PLCL1: variants seen among roughly 807,000 people sequenced by gnomAD.
The protein encoded by PLCL1 is inactive phospholipase C-like protein 1.
A neutral mutation model predicts 84.4 loss-of-function variants in PLCL1; 41 were observed. The ratio of observed to expected loss-of-function variants is 0.49; its 90% CI spans 0.38 to 0.63. The LOEUF (loss-of-function observed/expected upper bound fraction) is 0.63, where lower values mean the gene tolerates loss of function less well. Among genes scored for constraint, PLCL1 ranks in the 30% least tolerant of loss-of-function variants. PLCL1 has a pLI of 0.00. For missense variants in PLCL1, 1,206 were observed against 1,367.8 expected (o/e 0.88, Z 1.87); for synonymous variants, 490 against 488.3 (o/e 1.00, Z -0.05).
intron 1 of PLCL1, among the ~76,000 whole-genome samples, chr2:197,888,947 A>G (rs1047456102): frequency 2.0e-5 from 3 of 152,202 alleles, no homozygotes; most frequent in African/African-American, 7.2e-5. Flanking sequence ...TGATAAGGCT[A>G]AATCTTATTT....
chr2:198,066,596 T>C (rs1692325693), intron 1 of PLCL1, among the ~76,000 whole-genome samples: 1 of 152,220 alleles, frequency 6.6e-6, no homozygotes, highest in Non-Finnish European at 1.5e-5. Context: ...ATATATTTTT[T>C]CTTTTGAAAA....
chr2:197,865,613 A>C (rs141429208), intron 1 of PLCL1, among the ~76,000 whole-genome samples: 52 of 152,290 alleles, frequency 3.4e-4, no homozygotes, highest in African/African-American at 1.2e-3. Flanking sequence ...TGACTTTAAA[A>C]AAGCACAAAT....
At chr2:198,017,507 A>G (rs1691026161) in intron 1 of PLCL1, among the ~76,000 whole-genome samples, 1 of 152,250 alleles carries the variant, frequency 6.6e-6, no homozygotes, top group Non-Finnish European at 1.5e-5. Flanking sequence ...GTAAAGAATG[A>G]AAGGACAAAA....
intron 1 of PLCL1, among the ~76,000 whole-genome samples, chr2:197,925,832 C>G (rs958512315): frequency 1.3e-5 from 2 of 148,700 alleles, no homozygotes; most frequent in Non-Finnish European, 3.0e-5. Flanking sequence ...TTCAATCTCT[C>G]TTTTAGCTGG....
chr2:198,065,623 T>C (rs1692306529), intron 1 of PLCL1, among the ~76,000 whole-genome samples: 1 of 152,198 alleles, frequency 6.6e-6, no homozygotes, highest in Non-Finnish European at 1.5e-5. Flanking sequence ...TTTGCTTTAT[T>C]GGCATTGAGA....
intron 1 of PLCL1, among the ~76,000 whole-genome samples, chr2:197,925,958 T>A (rs1361856661): frequency 6.6e-6 from 1 of 152,244 alleles, no homozygotes; most frequent in Non-Finnish European, 1.5e-5. Context: ...TGAAATTCAG[T>A]CTTGTTTTGA....
At chr2:198,104,236 T>G (rs980205266) in intron 5 of PLCL1, among the ~76,000 whole-genome samples, 1 of 151,964 alleles carries the variant, frequency 6.6e-6, no homozygotes, top group Non-Finnish European at 1.5e-5. Flanking sequence ...GTTCCTCTCT[T>G]TGTGTCCATG....
Position 197,805,381 on chromosome 2 carries a change from A to ATGGG in PLCL1, c.240+48_240+51dup. 1 of 1,329,020 alleles carries ATGGG rather than the reference A, an allele frequency of 7.5e-7. No homozygotes were observed. Among genetic ancestry groups the ATGGG allele is most frequent in the Non-Finnish European group, 9.6e-7 (1 of 1,045,090 alleles). 82.3% of individuals were successfully genotyped at this position (1,329,020 alleles called of 1,614,324 possible). On this transcript the variant is annotated intron_variant, in intron 1 of 5. Transcript: ENST00000428675. This position sits in a 1 kb window ranked among gnomAD's most constrained non-coding sequence, Gnocchi z 4.0. Reference sequence around the variant, plus strand: ...CGCACCGGGAGCGTGGCTGTGGGTGATGGGTGGGTCAGGGACCCGGGCAGG... The same window carrying ATGGG: ...CGCACCGGGAGCGTGGCTGTGGGTGATGGGTGGGTGGGTCAGGGACCCGGGCAGG...
intron 1 of PLCL1, among the ~76,000 whole-genome samples, chr2:198,019,440 A>C (rs1396458795): frequency 2.0e-5 from 3 of 152,246 alleles, no homozygotes; most frequent in African/African-American, 7.2e-5. Context: ...AAATCCTCCA[A>C]GCTAAACAAG....
chr2:197,948,903 C>A (rs1160884666), intron 1 of PLCL1, among the ~76,000 whole-genome samples: 1 of 152,136 alleles, frequency 6.6e-6, no homozygotes, highest in Non-Finnish European at 1.5e-5. Flanking sequence ...GGATCTAAGA[C>A]CCCTGTGGGT....
intron 1 of PLCL1, among the ~76,000 whole-genome samples, chr2:197,904,506 G>T (rs1231645899): frequency 6.6e-6 from 1 of 152,078 alleles, no homozygotes; most frequent in East Asian, 1.9e-4. Flanking sequence ...GTTTTTTCTT[G>T]GCAATACACT....
At chr2:197,855,851 T>C (rs910095120) in intron 1 of PLCL1, among the ~76,000 whole-genome samples, 3 of 152,156 alleles carry the variant, frequency 2.0e-5, no homozygotes, top group Admixed American at 6.6e-5. Context: ...ATGCTTTTAA[T>C]TCACTACAGG....
chr2:198,058,098 G>T (rs1463896983), intron 1 of PLCL1, among the ~76,000 whole-genome samples: 3 of 152,118 alleles, frequency 2.0e-5, no homozygotes, highest in African/African-American at 7.2e-5. Flanking sequence ...TGCAGATATA[G>T]TATGATGGTA....
At chr2:197,892,767 G>A (rs1275671628) in intron 1 of PLCL1, among the ~76,000 whole-genome samples, 1 of 152,112 alleles carries the variant, frequency 6.6e-6, no homozygotes, top group African/African-American at 2.4e-5. Flanking sequence ...GGCTGAGGTG[G>A]GCGGATCACG....
intron 1 of PLCL1, among the ~76,000 whole-genome samples, chr2:198,029,329 C>T (rs1691348880): frequency 6.6e-6 from 1 of 152,124 alleles, no homozygotes; most frequent in Non-Finnish European, 1.5e-5. Context: ...TATAATTATT[C>T]AGAGAGTAAT....
intron 1 of PLCL1, among the ~76,000 whole-genome samples, chr2:197,992,474 AG>A (rs1313149420): frequency 6.6e-6 from 1 of 151,956 alleles, no homozygotes; most frequent in Non-Finnish European, 1.5e-5. Context: ...CATGTTGCCC[AG>A]GCTGGTCTCA....
Position 198,088,182 on chromosome 2 carries a change from G to A in PLCL1, c.2716-676G>A, listed in dbSNP as rs559939977. 1.1e-3 allele frequency among the ~76,000 whole-genome samples: 164 copies of A among 152,164 alleles called. 1 individual carries two copies. Among genetic ancestry groups the A allele is most frequent in the African/African-American group, 3.8e-3 (156 of 41,500 alleles). On this transcript the variant is annotated intron_variant, in intron 2 of 5. Coordinates refer to ENST00000428675, the MANE Select transcript of PLCL1 (RefSeq NM_006226.4). ...TATAGATAAAGTGTATCCAGGTAGC[G>A]TTGATAGTTCATATTATCTTAACAT...
At chr2:197,812,925 C>T (rs1690615423) in intron 1 of PLCL1, among the ~76,000 whole-genome samples, 2 of 152,190 alleles carry the variant, frequency 1.3e-5, no homozygotes, top group African/African-American at 4.8e-5. Context: ...AAGGCCCAAA[C>T]GACTTCAAAC....
intron 1 of PLCL1, among the ~76,000 whole-genome samples, chr2:198,018,796 A>C (rs1275972563): frequency 6.6e-6 from 1 of 152,226 alleles, no homozygotes; most frequent in Non-Finnish European, 1.5e-5. Context: ...GGGCGGCTGT[A>C]GGCGCAGCTT....
Sources: allele counts gnomAD v4.1 joint callset (sites outside exome capture counted in the v4.1 genomes callset), GRCh38; gene constraint gnomAD v4.1.1; non-coding constraint Gnocchi (gnomAD v3.1); transcripts MANE v1.5; gene names NCBI Gene and HGNC (gene_info 2026-07-23, HGNC 2026-07-21).